Variants in C17orf67 observed in about 807,000 individuals in gnomAD.
C17orf67 encodes chromosome 17 open reading frame 67, also known as uncharacterized protein C17orf67.
In C17orf67, 12 loss-of-function variants were observed where a neutral mutation model predicts 11.2. That is an observed-to-expected ratio of 1.07 (90% CI 0.68 to 1.73). C17orf67 has a LOEUF of 1.73. Ranked by LOEUF, C17orf67 falls within the 40% of genes most tolerant of loss-of-function variation. C17orf67 has a pLI of 0.00. For synonymous variants in C17orf67, 59 were observed against 46.9 expected, an observed-to-expected ratio of 1.26 and a Z score of -1.05; for missense variants, 115 against 113.5, an observed-to-expected ratio of 1.01 and a Z score of -0.06.
chr17:56,811,825 G>C (rs1433788109), intron 6 of C17orf67, among the ~76,000 whole-genome samples: 2 of 152,202 alleles, frequency 1.3e-5, no homozygotes, highest in African/African-American at 4.8e-5. Context: ...ATACCACCCA[G>C]TTCAACATTT....
At chr17:56,810,195 A>C (rs1905583257) in intron 6 of C17orf67, among the ~76,000 whole-genome samples, 1 of 143,704 alleles carries the variant, frequency 7.0e-6, no homozygotes, top group Non-Finnish European at 1.5e-5. Context: ...CACCCTTCAC[A>C]CACACACTCT....
chr17:56,802,692 T>G (rs1265546334), intron 6 of C17orf67, among the ~76,000 whole-genome samples: 4 of 152,234 alleles, frequency 2.6e-5, no homozygotes. Context: ...CTGTTAACTT[T>G]GGCTACTATT....
At chr17:56,811,014 G>A (rs80342651) in intron 6 of C17orf67, among the ~76,000 whole-genome samples, 60 of 152,312 alleles carry the variant, frequency 3.9e-4, no homozygotes, top group African/African-American at 1.4e-3. Context: ...CGCAGGGCCA[G>A]CATGAGGTGA....
intron 2 of C17orf67, among the ~76,000 whole-genome samples, chr17:56,826,735 GTTTAA>G (rs1169833255): frequency 6.6e-6 from 1 of 152,348 alleles, no homozygotes; most frequent in African/African-American, 2.4e-5. Context: ...TTCTTTAATG[GTTTAA>G]TTTCAGTTGA....
rs759252034 is a variant in C17orf67, at chr17:56,814,902, T to A, written c.123A>T (p.Pro41=). ...GCTCATCGGGGAATCCGGGTTTGCT[T>A]GGTCTATCCTGTCGCCGAGATCTTA... The part of the protein sequence containing the change: ...QLLRSRRQDR[P]SKPGFPDEPM... The change falls in exon 6 of 8, where the codon CCA becomes CCT. Residue 41 remains proline, a synonymous_variant. Transcript: ENST00000397861. 1 of 1,613,964 alleles carries A rather than the reference T, an allele frequency of 6.2e-7. No individual in the cohort carries two copies. The highest frequency in any genetic ancestry group is 1.1e-5 in the South Asian group (1 of 91,078).
chr17:56,820,211 T>A (rs1017805975), intron 4 of C17orf67, among the ~76,000 whole-genome samples: 6 of 152,180 alleles, frequency 3.9e-5, no homozygotes, highest in African/African-American at 1.4e-4. Context: ...TCACAAAACA[T>A]CACCAAACTT....
intron 2 of C17orf67, among the ~76,000 whole-genome samples, chr17:56,828,336 C>A (rs536664723): frequency 6.6e-6 from 1 of 151,292 alleles, no homozygotes; most frequent in South Asian, 2.1e-4. Flanking sequence ...ACCCAGGAGG[C>A]GGAGGTTGTG....
intron 7 of C17orf67, among the ~76,000 whole-genome samples, chr17:56,794,810 G>A (rs183989398): frequency 4.6e-5 from 7 of 152,260 alleles, no homozygotes; most frequent in Non-Finnish European, 1.0e-4. Flanking sequence ...CTCCCCATTC[G>A]GGATCACTTT....
At chr17:56,796,666 G>A (rs903888458) in intron 6 of C17orf67, among the ~76,000 whole-genome samples, 5 of 152,266 alleles carry the variant, frequency 3.3e-5, no homozygotes, top group African/African-American at 7.2e-5. Flanking sequence ...GCATCGGGAC[G>A]TTGAGGCTAT....
At chr17:56,827,608 T>G (rs936267131) in intron 2 of C17orf67, among the ~76,000 whole-genome samples, 1 of 152,250 alleles carries the variant, frequency 6.6e-6, no homozygotes, top group African/African-American at 2.4e-5. Context: ...CTATTGGCCG[T>G]GTGGGACTGC....
At chr17:56,810,744 G>T (rs1304950654) in intron 6 of C17orf67, among the ~76,000 whole-genome samples, 1 of 152,198 alleles carries the variant, frequency 6.6e-6, no homozygotes, top group Non-Finnish European at 1.5e-5. Context: ...GCCTCCCCTG[G>T]CCAGAGGTCC....
Position 56,825,192 on chromosome 17 carries a change from T to C in C17orf67, c.-427A>G. The C allele has an allele frequency of 6.6e-6, 1 of 152,224 alleles. No homozygotes were observed. Among genetic ancestry groups the C allele is most frequent in the Non-Finnish European group, 1.5e-5 (1 of 68,054 alleles). The allele number at this position is 152,224 out of a possible 1,614,324, so 9.4% of individuals were successfully genotyped here. A position where few individuals can be genotyped will look rare whatever the true frequency, so the allele number is the denominator to read the frequency against. On this transcript the variant is annotated 5_prime_UTR_variant, in exon 3 of 8. Transcript: ENST00000397861. ...TTAAAATGATGCTGATGCAGGTGAT[T>C]CAAAATCCACACTCTGCGGTACCCT... is the stretch of plus-strand genomic sequence containing the variant.
At chr17:56,831,730 A>T (rs767966352) in intron 2 of C17orf67, among the ~76,000 whole-genome samples, 2 of 152,114 alleles carry the variant, frequency 1.3e-5, no homozygotes, top group Non-Finnish European at 2.9e-5. Context: ...GAATCCGTAT[A>T]AGACAGCCTC....
rs369006421 is a variant in C17orf67 at position 56,815,762 on chromosome 17, A to G, written c.49T>C (p.Phe17Leu). 80 of 1,610,458 alleles carry G rather than the reference A, an allele frequency of 5.0e-5. No homozygotes were observed. In the Middle Eastern group the frequency reaches 9.9e-4, roughly 20 times the overall value. ...LVLSLTLLTV[F>L]SETSPILTEK... Reference sequence around the variant, plus strand: ...TTTTGGAGTCAGTGCCCACCTGAGAAGACAGTCAGTAAGGTAAGAGACAGC... The same window carrying G: ...TTTTGGAGTCAGTGCCCACCTGAGAGGACAGTCAGTAAGGTAAGAGACAGC... Residue 17 changes from phenylalanine (F) to leucine (L), a missense_variant, in exon 5 of 8, where the codon TTC becomes CTC. Phe to Leu is a conservative substitution (Grantham distance 22, BLOSUM62 0). Coordinates refer to ENST00000397861, the MANE Select transcript of C17orf67 (RefSeq NM_001085430.4).
intron 2 of C17orf67, among the ~76,000 whole-genome samples, chr17:56,828,399 CTT>C (rs1432463434): frequency 1.3e-5 from 2 of 151,746 alleles, no homozygotes; most frequent in South Asian, 2.1e-4. Context: ...GAGCAAAACT[CTT>C]GTCTCAAAAA....
chr17:56,817,989 A>G (rs759959637), intron 4 of C17orf67, among the ~76,000 whole-genome samples: 2 of 150,914 alleles, frequency 1.3e-5, no homozygotes, highest in African/African-American at 2.4e-5. Flanking sequence ...GACTACACGC[A>G]TGTGCCACCA....
rs1367893589 is a variant in C17orf67, at chr17:56,832,900, G to A, written c.-559C>T. On this transcript the variant is annotated splice_region_variant and 5_prime_UTR_variant, in exon 2 of 8. It adds an upstream start codon to the 5' untranslated region. Coordinates refer to ENST00000397861, the MANE Select transcript of C17orf67 (RefSeq NM_001085430.4). ...ATAATATATACATACACACATACAC[G>A]TATATATACATCTATATGTGTATTC... 1.3e-5 allele frequency: 2 copies of A among 152,004 alleles called. No individual in the cohort carries two copies. Among genetic ancestry groups the A allele is most frequent in the African/African-American group, 2.4e-5 (1 of 41,376 alleles). The allele number at this position is 152,004 out of a possible 1,614,324, so 9.4% of individuals were successfully genotyped here. A position where few individuals can be genotyped will look rare whatever the true frequency, so the allele number is the denominator to read the frequency against.
intron 6 of C17orf67, among the ~76,000 whole-genome samples, chr17:56,797,540 C>A (rs72837341): frequency 6.6e-6 from 1 of 152,018 alleles, no homozygotes; most frequent in Admixed American, 6.6e-5. Flanking sequence ...GGGTGGAGAA[C>A]GGACTGGGGT....
intron 5 of C17orf67, 98 bp downstream of exon 5, chr17:56,815,658 A>G (rs971433237): frequency 9.1e-6 from 9 of 989,918 alleles, no homozygotes; most frequent in Admixed American, 3.4e-5. Context: ...ATATCTATAT[A>G]CACTATATAT....
Sources: allele counts gnomAD v4.1 joint callset (sites outside exome capture counted in the v4.1 genomes callset), GRCh38; gene constraint gnomAD v4.1.1; transcripts MANE v1.5; gene names NCBI Gene and HGNC (gene_info 2026-07-23, HGNC 2026-07-21).